SLC13A4: variants seen among roughly 807,000 people sequenced by gnomAD.
The protein encoded by SLC13A4 is Na(+)/sulfate cotransporter SUT-1.
SLC13A4 carries 28 observed loss-of-function variants against 72.7 expected under a neutral mutation model. The observed-to-expected ratio is 0.39, with a 90% CI of 0.29 to 0.53. The LOEUF is 0.53. Among genes scored for constraint, SLC13A4 ranks in the 20% least tolerant of loss-of-function variants. The probability of loss-of-function intolerance (pLI) is 0.78; values close to 1 mark genes in which losing one functional copy is unlikely to be tolerated. For synonymous variants in SLC13A4, 312 were observed against 325.5 expected (o/e 0.96, Z 0.45); for missense variants, 653 against 788.0 (o/e 0.83, Z 2.05).
intron 2 of SLC13A4, among the ~76,000 whole-genome samples, chr7:135,709,271 T>C (rs545678349): frequency 8.6e-5 from 13 of 151,696 alleles, no homozygotes; most frequent in Admixed American, 1.3e-4. Flanking sequence ...AATTCTCAAG[T>C]TCCAATGAAT....
intron 11 of SLC13A4, chr7:135,691,924 A>C: frequency 6.9e-6 from 3 of 435,820 alleles, no homozygotes; most frequent in Non-Finnish European, 1.2e-5. Context: ...TCAGGAGTGG[A>C]GTTGGTTAGA....
chr7:135,690,206 A>AAAG (rs1795747507), intron 13 of SLC13A4, among the ~76,000 whole-genome samples: 1 of 147,784 alleles, frequency 6.8e-6, no homozygotes. Context: ...AAAAAAAAAA[A>AAAG]AGAGAACCAA....
At chr7:135,694,437 G>T (rs572776493) in intron 9 of SLC13A4, among the ~76,000 whole-genome samples, 199 bp from the exon 10 acceptor site, 2 of 152,106 alleles carry the variant, frequency 1.3e-5, no homozygotes, top group Non-Finnish European at 2.9e-5. Context: ...TTCTCCCCTA[G>T]CCTACTGGGG....
chr7:135,687,117 A>T (rs1795645584), intron 13 of SLC13A4, among the ~76,000 whole-genome samples: 1 of 152,180 alleles, frequency 6.6e-6, no homozygotes, highest in South Asian at 2.1e-4. Context: ...TGGTTGGAAG[A>T]TGTTCACCTG....
chr7:135,721,497 G>A lies in SLC13A4; in HGVS notation c.126C>T (p.Ile42=), dbSNP rs780458458. ...CCGACACCCAGTACACAGCAGTCAC[G>A]ATCAGCACGTAAGCACACGAGGCCT... ...SSEASCAYVL[I]VTAVYWVSEA... Residue 42 remains isoleucine, a synonymous_variant, in exon 2 of 16, where the codon ATC becomes ATT. Coordinates refer to ENST00000682651, the MANE Select transcript of SLC13A4 (RefSeq NM_001318192.2). The A allele has an allele frequency of 8.7e-6, 14 of 1,613,934 alleles. No individual in the cohort carries two copies. Among genetic ancestry groups the A allele is most frequent in the African/African-American group, 2.7e-5 (2 of 74,922 alleles).
intron 2 of SLC13A4, among the ~76,000 whole-genome samples, chr7:135,715,380 AGT>A (rs58738715): frequency 2.0e-5 from 3 of 148,796 alleles, no homozygotes; most frequent in African/African-American, 5.0e-5. Flanking sequence ...TGAGTGTGTG[AGT>A]GTGTATGTGT....
At chr7:135,727,220 A>G (rs948654516) in intron 1 of SLC13A4, among the ~76,000 whole-genome samples, 178 bp downstream of exon 1, 7 of 152,218 alleles carry the variant, frequency 4.6e-5, no homozygotes, top group South Asian at 2.1e-4. Context: ...GGAGATGAAC[A>G]TGACAGCTTT....
intron 2 of SLC13A4, among the ~76,000 whole-genome samples, chr7:135,708,917 A>ATTTTTTTT (rs59407311): frequency 2.8e-5 from 2 of 71,460 alleles, no homozygotes; most frequent in African/African-American, 1.2e-4. Context: ...GTCTTGCTCA[A>ATTTTTTTT]TTTTTTTTTT....
At chr7:135,690,038 G>C (rs967961116) in intron 13 of SLC13A4, among the ~76,000 whole-genome samples, 1 of 151,872 alleles carries the variant, frequency 6.6e-6, no homozygotes, top group East Asian at 1.9e-4. Flanking sequence ...AAATTAAGCT[G>C]GGTGTGGTGG....
At chr7:135,707,215 AG>A (rs1449106061) in intron 3 of SLC13A4, among the ~76,000 whole-genome samples, 7 of 152,190 alleles carry the variant, frequency 4.6e-5, no homozygotes, top group Non-Finnish European at 1.0e-4. Context: ...AAATTCTTGC[AG>A]ATAGTACACA....
At chr7:135,702,781 C>A in intron 6 of SLC13A4, 64 bp downstream of exon 6, 1 of 1,367,914 alleles carries the variant, frequency 7.3e-7, no homozygotes, top group Non-Finnish European at 1.0e-6. Flanking sequence ...TCTTGGGTTT[C>A]CATGAAGAAG....
chr7:135,719,813 G>GTGTA (rs1480328101), intron 2 of SLC13A4, among the ~76,000 whole-genome samples: 6,266 of 146,496 alleles, frequency 0.043, 223 homozygotes, highest in African/African-American at 0.095. Flanking sequence ...ATGTGTGTGT[G>GTGTA]TGTGTGTGTG....
intron 5 of SLC13A4, chr7:135,703,864 G>A (rs1796099056): frequency 6.6e-6 from 1 of 152,324 alleles, no homozygotes; most frequent in Non-Finnish European, 1.5e-5. Flanking sequence ...GGAGGAGAAT[G>A]TGCTGTGATG....
intron 1 of SLC13A4, 93 bp from the exon 2 acceptor site, chr7:135,721,616 GACTGTA>G: frequency 6.6e-7 from 1 of 1,524,098 alleles, no homozygotes; most frequent in Non-Finnish European, 9.0e-7. Flanking sequence ...AGCAGACTCA[GACTGTA>G]ACGCGGGTAC....
At chr7:135,721,355 C>A in intron 2 of SLC13A4, 40 bp downstream of exon 2, 1 of 1,610,580 alleles carries the variant, frequency 6.2e-7, no homozygotes, top group Non-Finnish European at 8.5e-7. Context: ...AGGGGCCCTG[C>A]AGGGACCCAG....
At chr7:135,724,006 G>A (rs943479822) in intron 1 of SLC13A4, among the ~76,000 whole-genome samples, 3 of 152,208 alleles carry the variant, frequency 2.0e-5, no homozygotes, top group Admixed American at 2.0e-4. Flanking sequence ...TCAAACCCAC[G>A]TGTTCTCATC....
intron 8 of SLC13A4, among the ~76,000 whole-genome samples, chr7:135,697,765 T>C (rs1433070191): frequency 6.6e-6 from 1 of 152,158 alleles, no homozygotes; most frequent in Non-Finnish European, 1.5e-5. Flanking sequence ...TGGCCTCCTC[T>C]TACCCTCTGT....
At position 135,691,549 on chromosome 7, in the gene SLC13A4, A is replaced by G. The variant is rs759952725; in HGVS notation, c.1320T>C (p.Asp440=). Residue 440 remains aspartate, a splice_region_variant and synonymous_variant, in exon 12 of 16, where the codon GAT becomes GAC. Coordinates refer to ENST00000682651, the MANE Select transcript of SLC13A4 (RefSeq NM_001318192.2). ...CCCCAGTTTCTTCCCTTCTCTCACC[A>G]TCATTCTTTTTCCCAAAGCAGGGCT... ...AKKPCFGKKN[D]GENQEHSLGT... 3.7e-6 allele frequency: 6 copies of G among 1,609,974 alleles called. No individual in the cohort carries two copies. The highest frequency in any genetic ancestry group is 5.1e-6 in the Non-Finnish European group (6 of 1,176,274).
Position 135,681,448 on chromosome 7 carries a change from G to C in SLC13A4, c.*115C>G. ...ATCTTCTGGTGGAGGGATGCCCTCC[G>C]GCGTGGGTCTGGGGTTGTGTGCTCC... On this transcript the variant is annotated 3_prime_UTR_variant, in exon 16 of 16. Coordinates refer to ENST00000682651, the MANE Select transcript of SLC13A4 (RefSeq NM_001318192.2). 7.5e-7 allele frequency: 1 copy of C among 1,327,704 alleles called. No individual in the cohort carries two copies. The highest frequency in any genetic ancestry group is 1.0e-6 in the Non-Finnish European group (1 of 976,608). The allele number at this position is 1,327,704 out of a possible 1,614,324, so 82.2% of individuals were successfully genotyped here. A position where few individuals can be genotyped will look rare whatever the true frequency, so the allele number is the denominator to read the frequency against.
Sources: gnomAD v4.1 joint callset for allele counts (sites outside exome capture counted in the v4.1 genomes callset) on GRCh38, gnomAD v4.1.1 for gene constraint, MANE v1.5 for transcripts, NCBI Gene and HGNC (gene_info 2026-07-23, HGNC 2026-07-21) for gene names.